The following ULK4 variants were observed in gnomAD, a reference collection of about 807,000 sequenced individuals.
ULK4 encodes the protein inactive serine/threonine-protein kinase ULK4.
Under a neutral mutation model 160.6 loss-of-function variants are expected in ULK4, and 133 were observed. That is an observed-to-expected ratio of 0.83 (90% CI 0.72 to 0.96). The LOEUF (loss-of-function observed/expected upper bound fraction) is 0.96. Among genes scored for constraint, ULK4 ranks in the 40% least tolerant of loss-of-function variants. The pLI, the probability that ULK4 is intolerant of heterozygous loss-of-function variation, is 0.00. For missense variants in ULK4, 1,580 were observed against 1,499.5 expected (o/e 1.05, Z -0.89); for synonymous variants, 534 against 539.8 (o/e 0.99, Z 0.15).
chr3:41,519,428 C>T (rs2085856050), intron 32 of ULK4, among the ~76,000 whole-genome samples: 1 of 152,224 alleles, frequency 6.6e-6, no homozygotes, highest in Non-Finnish European at 1.5e-5. Context: ...TAATCAGTCG[C>T]TAATTTCATT....
chr3:41,470,098 T>C (rs892198467), intron 32 of ULK4, among the ~76,000 whole-genome samples: 1 of 144,812 alleles, frequency 6.9e-6, no homozygotes, highest in Admixed American at 7.1e-5. Flanking sequence ...AATTTAGGGA[T>C]AGATGCCAAC....
chr3:41,567,192 A>AATT, intron 31 of ULK4, among the ~76,000 whole-genome samples: 1 of 152,154 alleles, frequency 6.6e-6, no homozygotes, highest in Non-Finnish European at 1.5e-5. Flanking sequence ...ACGTATAGCT[A>AATT]TTTTGTGCCA....
At chr3:41,306,062 A>T (rs189903273) in intron 35 of ULK4, among the ~76,000 whole-genome samples, 1 of 135,986 alleles carries the variant, frequency 7.4e-6, no homozygotes, top group African/African-American at 2.9e-5. Context: ...CTCTCCGCCC[A>T]GCAGCCACCC....
At chr3:41,436,323 G>A (rs906593887) in intron 34 of ULK4, among the ~76,000 whole-genome samples, 6 of 152,122 alleles carry the variant, frequency 3.9e-5, no homozygotes, top group Non-Finnish European at 7.4e-5. Flanking sequence ...AGGCTTAACC[G>A]AGGCATAACC....
intron 32 of ULK4, among the ~76,000 whole-genome samples, chr3:41,540,327 G>T (rs1163573919): frequency 1.3e-5 from 2 of 152,100 alleles, no homozygotes; most frequent in African/African-American, 4.8e-5. Context: ...AGAGAACGAT[G>T]GCATCCAGCT....
chr3:41,359,623 T>C (rs1319964619), intron 35 of ULK4, among the ~76,000 whole-genome samples: 1 of 152,204 alleles, frequency 6.6e-6, no homozygotes, highest in Admixed American at 6.5e-5. Context: ...GATGCTCAGC[T>C]AGCTGGAGAC....
chr3:41,524,249 G>A (rs190333046), intron 32 of ULK4, among the ~76,000 whole-genome samples: 7 of 152,340 alleles, frequency 4.6e-5, no homozygotes, highest in African/African-American at 1.4e-4. Flanking sequence ...TGGGTGAACT[G>A]TGTGGTATGT....
chr3:41,869,625 C>T (rs1697020006), intron 17 of ULK4, among the ~76,000 whole-genome samples: 1 of 152,112 alleles, frequency 6.6e-6, no homozygotes, highest in Admixed American at 6.6e-5. Context: ...ATAATATACA[C>T]ATAAAATATA....
chr3:41,551,583 C>A (rs2087069138), intron 32 of ULK4, among the ~76,000 whole-genome samples: 1 of 151,750 alleles, frequency 6.6e-6, no homozygotes, highest in Non-Finnish European at 1.5e-5. Flanking sequence ...AACAGAAAAC[C>A]TAAATAGACC....
intron 18 of ULK4, among the ~76,000 whole-genome samples, chr3:41,832,894 T>G (rs141816708): frequency 5.9e-5 from 9 of 152,352 alleles, no homozygotes; most frequent in Admixed American, 3.3e-4. Context: ...TTGGTCTGCA[T>G]GTCTGTTTTG....
intron 12 of ULK4, among the ~76,000 whole-genome samples, chr3:41,904,757 ATT>A (rs749281919): frequency 1.8e-4 from 28 of 152,236 alleles, no homozygotes; most frequent in Non-Finnish European, 3.2e-4. Flanking sequence ...AAGCAATTAT[ATT>A]TGTCAAGCAA....
chr3:41,750,522 G>C (rs2038585020), intron 22 of ULK4, among the ~76,000 whole-genome samples: 2 of 152,086 alleles, frequency 1.3e-5, no homozygotes, highest in Non-Finnish European at 2.9e-5. Context: ...CACCTGCTCT[G>C]AATGGTTTAA....
chr3:41,816,201 A>G (rs1356804823), intron 19 of ULK4, among the ~76,000 whole-genome samples: 1 of 152,112 alleles, frequency 6.6e-6, no homozygotes, highest in Non-Finnish European at 1.5e-5. Context: ...CTGTAAAGAA[A>G]ATGAATAAAT....
At chr3:41,930,280 A>G (rs1450893298) in intron 5 of ULK4, among the ~76,000 whole-genome samples, 1 of 152,076 alleles carries the variant, frequency 6.6e-6, no homozygotes, top group Admixed American at 6.6e-5. Flanking sequence ...AAAACTGGCT[A>G]GCCATATGCA....
At chr3:41,513,738 C>T (rs745439703) in intron 32 of ULK4, among the ~76,000 whole-genome samples, 19 of 152,208 alleles carry the variant, frequency 1.2e-4, no homozygotes, top group Non-Finnish European at 2.6e-4. Flanking sequence ...ATTGTATGTT[C>T]TCACTCATAA....
intron 21 of ULK4, among the ~76,000 whole-genome samples, chr3:41,772,310 G>A (rs2039419223): frequency 6.6e-6 from 1 of 152,112 alleles, no homozygotes; most frequent in Admixed American, 6.5e-5. Flanking sequence ...CAACAAAATT[G>A]ATAGACTGCT....
intron 35 of ULK4, among the ~76,000 whole-genome samples, chr3:41,393,170 G>A (rs577175326): frequency 2.1e-4 from 32 of 152,214 alleles, no homozygotes; most frequent in Admixed American, 1.1e-3. Flanking sequence ...TAACAAAACC[G>A]CTGTATTTTA....
chr3:41,460,235 T>G (rs1025033586), intron 33 of ULK4, among the ~76,000 whole-genome samples: 1 of 152,140 alleles, frequency 6.6e-6, no homozygotes, highest in African/African-American at 2.4e-5. Context: ...ATCAGGAGGA[T>G]GAGGTAACAA....
intron 22 of ULK4, among the ~76,000 whole-genome samples, chr3:41,719,461 T>A (rs1174457035): frequency 1.3e-5 from 2 of 152,188 alleles, no homozygotes; most frequent in Non-Finnish European, 2.9e-5. Flanking sequence ...ATATCCAAAA[T>A]AAAAATCATC....
Sources: gnomAD v4.1 joint callset for allele counts (sites outside exome capture counted in the v4.1 genomes callset) on GRCh38, gnomAD v4.1.1 for gene constraint, MANE v1.5 for transcripts, NCBI Gene and HGNC (gene_info 2026-07-23, HGNC 2026-07-21) for gene names.